Variants in CLASP1 observed in about 807,000 individuals in gnomAD.
The protein encoded by CLASP1 is cytoplasmic linker associated protein 1.
CLASP1 carries 38 observed loss-of-function variants against 192.3 expected under a neutral mutation model. The observed-to-expected ratio is 0.20, with a 90% CI of 0.15 to 0.26. The LOEUF (loss-of-function observed/expected upper bound fraction) is 0.26, where lower values mean the gene tolerates loss of function less well. Among genes scored for constraint, CLASP1 ranks in the 10% least tolerant of loss-of-function variants. The pLI is 1.00. For missense variants in CLASP1, 1,433 were observed against 1,932.5 expected, an observed-to-expected ratio of 0.74 and a Z score of 4.85; for synonymous variants, 691 against 712.8, an observed-to-expected ratio of 0.97 and a Z score of 0.49.
intron 32 of CLASP1, among the ~76,000 whole-genome samples, chr2:121,385,788 A>G (rs894096299): frequency 6.6e-5 from 10 of 152,352 alleles, no homozygotes; most frequent in Non-Finnish European, 8.8e-5. Context: ...AGTTTTCCAT[A>G]TAATTTTCTC....
At chr2:121,533,948 C>T (rs936887501) in intron 2 of CLASP1, among the ~76,000 whole-genome samples, 2 of 152,204 alleles carry the variant, frequency 1.3e-5, no homozygotes, top group African/African-American at 4.8e-5. Context: ...CTTTAAAAGA[C>T]TCTTTTGTAA....
Position 121,361,307 on chromosome 2 carries a change from A to G in CLASP1, c.4206+1865T>C, listed in dbSNP as rs142815123. ...GCCACTGCACTCCAGCCTGGGTGAC[A>G]AAGCAAGACCCTGTCTCAAATACAA... On this transcript the variant is annotated intron_variant, in intron 37 of 39. Coordinates refer to ENST00000263710, the Ensembl canonical transcript of CLASP1. Among the ~76,000 whole-genome samples the G allele has an allele frequency of 3.7e-3, 561 of 152,358 alleles. 5 individuals are homozygous for G. The highest frequency in any genetic ancestry group is 0.013 in the African/African-American group (538 of 41,586).
In CLASP1 at chr2:121,611,059, G is replaced by T. The variant is rs148833812; in HGVS notation, c.-285-4879C>A. On this transcript the variant is annotated intron_variant, in intron 1 of 39. Transcript: ENST00000263710. ...GGAGGACGAGTTGGAGGAGTTACAG[G>T]AGGAAGAAGAACTGGAGGAGGAGGA... is the stretch of plus-strand genomic sequence containing the variant. Among the ~76,000 whole-genome samples, 262 of 143,000 alleles carry T rather than the reference G, an allele frequency of 1.8e-3. 3 individuals are homozygous for T. Among genetic ancestry groups the T allele is most frequent in the African/African-American group, 6.7e-3 (250 of 37,544 alleles). 93.8% of individuals were successfully genotyped at this position (143,000 alleles called of 152,430 possible).
intron 28 of CLASP1, among the ~76,000 whole-genome samples, chr2:121,399,027 C>T (rs1054715850): frequency 7.2e-5 from 11 of 152,200 alleles, no homozygotes; most frequent in Admixed American, 3.3e-4. Flanking sequence ...TAAAATTGCA[C>T]AATGGGGCCC....
intron 2 of CLASP1, chr2:121,532,647 T>C (rs1334881820): frequency 2.0e-5 from 3 of 152,122 alleles, no homozygotes; most frequent in South Asian, 2.1e-4. Context: ...TCTGAGAAAC[T>C]GTCACAGCAA....
chr2:121,577,947 GATTGAGA>G (rs1007625674), intron 2 of CLASP1, among the ~76,000 whole-genome samples: 2 of 152,014 alleles, frequency 1.3e-5, no homozygotes, highest in African/African-American at 4.8e-5. Flanking sequence ...TTAATTGACT[GATTGAGA>G]AAGAGTCTCA....
intron 2 of CLASP1, among the ~76,000 whole-genome samples, chr2:121,534,777 C>T (rs184470667): frequency 1.3e-5 from 2 of 152,224 alleles, no homozygotes. Context: ...ATCTGCCTGC[C>T]TCAGCTCCCA....
At chr2:121,495,576 G>A (rs991540037) in intron 8 of CLASP1, among the ~76,000 whole-genome samples, 14 of 151,958 alleles carry the variant, frequency 9.2e-5, no homozygotes, top group East Asian at 7.8e-4. Flanking sequence ...CAGGAGAAGC[G>A]CTCGAACCAG....
rs975288421 is a variant in CLASP1 at position 121,581,333 on chromosome 2, G to A, written c.195+24368C>T. Among the ~76,000 whole-genome samples, 12 of 141,114 alleles carry A rather than the reference G, an allele frequency of 8.5e-5. No homozygotes were observed. The South Asian group carries it at 9.0e-4, about 11-fold the overall frequency. 92.6% of individuals were successfully genotyped at this position (141,114 alleles called of 152,430 possible). A position where few individuals can be genotyped will look rare whatever the true frequency, so the allele number is the denominator to read the frequency against. On this transcript the variant is annotated intron_variant, in intron 2 of 39. Coordinates refer to ENST00000263710, the Ensembl canonical transcript of CLASP1. The stretch of plus-strand genomic sequence containing the variant: ...CCCAGGCCGGACTGCGGACTGCAGT[G>A]GCGCAATCTCGGCTCACTGCAAGCT...
intron 8 of CLASP1, among the ~76,000 whole-genome samples, chr2:121,478,914 C>A (rs1575282900): frequency 1.6e-5 from 1 of 63,396 alleles, no homozygotes; most frequent in Admixed American, 1.6e-4. Flanking sequence ...ACCACACACA[C>A]CACACACACA....
intron 6 of CLASP1, 125 bp from the exon 7 acceptor site, chr2:121,515,887 T>C (rs2094277352): frequency 1.4e-6 from 1 of 712,620 alleles, no homozygotes; most frequent in Admixed American, 2.3e-5. Context: ...GTGAATACAA[T>C]CCTTATATAC....
intron 26 of CLASP1, among the ~76,000 whole-genome samples, chr2:121,403,288 A>C (rs1207073549): frequency 2.0e-5 from 3 of 152,224 alleles, no homozygotes; most frequent in Non-Finnish European, 4.4e-5. Context: ...TGAGCACCTC[A>C]AAAGGCTGGG....
chr2:121,539,120 C>T (rs2095169194), intron 2 of CLASP1, among the ~76,000 whole-genome samples: 1 of 152,190 alleles, frequency 6.6e-6, no homozygotes, highest in South Asian at 2.1e-4. Flanking sequence ...TAACATTCCA[C>T]TAAAAACCCT....
At chr2:121,344,467 G>T (rs2063195567) in intron 39 of CLASP1, among the ~76,000 whole-genome samples, 1 of 152,140 alleles carries the variant, frequency 6.6e-6, no homozygotes, top group East Asian at 1.9e-4. Flanking sequence ...GAGTAGCTGG[G>T]ATTACAGACA....
rs71398038 is a variant in CLASP1 at position 121,633,007 on chromosome 2, C to CATATATATATATATATATATAT, written c.-286+16364_-286+16365insATATATATATATATATATATAT. Among the ~76,000 whole-genome samples the CATATATATATATATATATATAT allele has an allele frequency of 2.1e-3, 245 of 115,468 alleles. 6 individuals carry two copies. Among genetic ancestry groups the CATATATATATATATATATATAT allele is most frequent in the African/African-American group, 7.6e-3 (200 of 26,456 alleles). 75.8% of individuals were successfully genotyped at this position (115,468 alleles called of 152,430 possible). The stretch of plus-strand genomic sequence containing the variant: ...GTGTGTATATATATGTATGTGTGTG[C>CATATATATATATATATATATAT]ATATATATATATATATATATAGGCT... On this transcript the variant is annotated intron_variant, in intron 1 of 39. Transcript: ENST00000263710.
intron 6 of CLASP1, among the ~76,000 whole-genome samples, chr2:121,524,466 T>A (rs895402243): frequency 6.6e-6 from 1 of 152,114 alleles, no homozygotes; most frequent in Non-Finnish European, 1.5e-5. Flanking sequence ...TTCCTTTTTT[T>A]TTTTTTTAAA....
At chr2:121,410,713 A>G (rs74502446) in intron 24 of CLASP1, 153 bp downstream of exon 25, 24,433 of 560,672 alleles carry the variant, frequency 0.044, 725 homozygotes, top group East Asian at 0.12. Flanking sequence ...GGGGCAAACA[A>G]TAACAATATA....
chr2:121,345,730 C>T (rs1473380566), intron 39 of CLASP1, among the ~76,000 whole-genome samples: 1 of 152,224 alleles, frequency 6.6e-6, no homozygotes, highest in Non-Finnish European at 1.5e-5. Flanking sequence ...ACACCTCTTC[C>T]AGCCTATCTG....
chr2:121,375,916 G>A (rs1483214400), intron 34 of CLASP1, among the ~76,000 whole-genome samples: 2 of 152,128 alleles, frequency 1.3e-5, no homozygotes, highest in Non-Finnish European at 2.9e-5. Flanking sequence ...GAGAAAAAAG[G>A]CACTTAACAT....
Sources: gnomAD v4.1 joint callset for allele counts (sites outside exome capture counted in the v4.1 genomes callset) on GRCh38, gnomAD v4.1.1 for gene constraint, MANE v1.5 for transcripts, NCBI Gene and HGNC (gene_info 2026-07-23, HGNC 2026-07-21) for gene names.